CLEC12A: variants seen among roughly 807,000 people sequenced by gnomAD.
The protein encoded by CLEC12A is C-type lectin domain family 12 member A.
A neutral mutation model predicts 26.5 loss-of-function variants in CLEC12A; 22 were observed. The observed-to-expected ratio is 0.83, with a 90% confidence interval of 0.59 to 1.19. The LOEUF (loss-of-function observed/expected upper bound fraction) is 1.19. CLEC12A is among the 50% of genes most tolerant of loss of function. The pLI is 0.00. For synonymous variants in CLEC12A, 119 were observed against 101.9 expected, an observed-to-expected ratio of 1.17 and a Z score of -1.01; for missense variants, 353 against 315.6, an observed-to-expected ratio of 1.12 and a Z score of -0.90.
chr12:9,962,978 G>T (rs1169314110), intron 1 of CLEC12A, among the ~76,000 whole-genome samples: 4 of 152,188 alleles, frequency 2.6e-5, no homozygotes, highest in Non-Finnish European at 5.9e-5. Flanking sequence ...GGGATTAGGG[G>T]CGATGTGGGA....
intron 1 of CLEC12A, among the ~76,000 whole-genome samples, chr12:9,964,205 C>G (rs1363742562): frequency 1.3e-5 from 2 of 152,066 alleles, no homozygotes; most frequent in Non-Finnish European, 2.9e-5. Context: ...CTGGGGAGGT[C>G]TAGCTGGACC....
chr12:9,971,767 A>ATAGT (rs1418890420), intron 1 of CLEC12A, 80 bp downstream of exon 1: 2 of 1,212,194 alleles, frequency 1.6e-6, no homozygotes, highest in African/African-American at 3.1e-5. Flanking sequence ...TATTAGTGAT[A>ATAGT]TAGTTACTAT....
the CLEC12A span, among the ~76,000 whole-genome samples, chr12:10,003,431 A>G: frequency 6.6e-6 from 1 of 152,230 alleles, no homozygotes; most frequent in South Asian, 2.1e-4. Context: ...GATCAGGCAT[A>G]TGTATACAGA....
intron 5 of CLEC12A, among the ~76,000 whole-genome samples, chr12:9,982,973 C>CT (rs933277736): frequency 3.9e-5 from 6 of 152,038 alleles, no homozygotes; most frequent in African/African-American, 1.4e-4. Context: ...TGATTTCCTT[C>CT]TTTTTTATAC....
upstream of CLEC12A, chr12:9,951,309 T>G (rs1247558601): frequency 1.4e-6 from 1 of 702,944 alleles, no homozygotes. Flanking sequence ...ACATTTCTGA[T>G]TGCCTAGGAA....
intron 4 of CLEC12A, among the ~76,000 whole-genome samples, chr12:9,994,034 G>T (rs1398238146): frequency 6.6e-6 from 1 of 152,070 alleles, no homozygotes; most frequent in Non-Finnish European, 1.5e-5. Flanking sequence ...TGAGACAGTG[G>T]TAAGAGTTAC....
At chr12:9,993,281 C>A in intron 4 of CLEC12A, 1 of 1,611,230 alleles carries the variant, frequency 6.2e-7, no homozygotes, top group Non-Finnish European at 8.5e-7. Flanking sequence ...CTTCCAAAAA[C>A]TCAAACCTGT....
At chr12:9,952,929 C>T (rs549405873) in intron 1 of CLEC12A, 1 of 96,202 alleles carries the variant, frequency 1.0e-5, no homozygotes, top group Admixed American at 1.0e-4. Flanking sequence ...TGAGGAGACC[C>T]TCTGCCTGGC....
chr12:9,984,540 A>G (rs1864694125), intron 5 of CLEC12A, among the ~76,000 whole-genome samples: 1 of 152,132 alleles, frequency 6.6e-6, no homozygotes, highest in Non-Finnish European at 1.5e-5. Context: ...CTAGCCAGTT[A>G]GACTAGGAGA....
At chr12:9,988,455 A>C (rs1864819738), downstream of CLEC12A, among the ~76,000 whole-genome samples, 1 of 152,230 alleles carries the variant, frequency 6.6e-6, no homozygotes, top group Admixed American at 6.5e-5. Context: ...AAGTTTTTGC[A>C]ATCTACTCAT....
Position 9,979,374 on chromosome 12 carries a change from A to G in CLEC12A, c.229A>G (p.Lys77Glu). ...TLKIEMKKMN[K>E]LQNISEELQR... Reference sequence around the variant, plus strand: ...GAAGATAGAAATGAAAAAAATGAACAAACTACAAAACATCAGTGAAGAGCT... The same window carrying G: ...GAAGATAGAAATGAAAAAAATGAACGAACTACAAAACATCAGTGAAGAGCT... Residue 77 changes from lysine (K) to glutamate (E), a missense_variant, in exon 3 of 6, where the codon AAA (lysine) becomes GAA (glutamate). Coordinates refer to ENST00000304361, the MANE Select transcript of CLEC12A (RefSeq NM_138337.6). The G allele has an allele frequency of 6.2e-7, 1 of 1,603,194 alleles. No individual in the cohort carries two copies. The highest frequency in any genetic ancestry group is 8.5e-7 in the Non-Finnish European group (1 of 1,174,936).
chr12:9,971,485 C>A lies in CLEC12A; in HGVS notation c.-112C>A. 1 of 1,433,550 alleles carries A rather than the reference C, an allele frequency of 7.0e-7. No homozygotes were observed. The highest frequency in any genetic ancestry group is 9.1e-7 in the Non-Finnish European group (1 of 1,095,074). 88.8% of individuals were successfully genotyped at this position (1,433,550 alleles called of 1,614,324 possible). ...GTTTAAACTTGTAAGCTTAAGCTTC[C>A]GTTTATAAACAGAAGTTTAAAATTA... On this transcript the variant is annotated 5_prime_UTR_variant, in exon 1 of 6. Coordinates refer to ENST00000304361, the MANE Select transcript of CLEC12A (RefSeq NM_138337.6).
intron 1 of CLEC12A, among the ~76,000 whole-genome samples, chr12:9,978,287 T>TG (rs1864416407): frequency 6.6e-6 from 1 of 152,120 alleles, no homozygotes; most frequent in Non-Finnish European, 1.5e-5. Flanking sequence ...TGTTTTTTTT[T>TG]TAAATAGAGA....
intron 5 of CLEC12A, among the ~76,000 whole-genome samples, chr12:9,982,930 G>T (rs1242803212): frequency 1.3e-5 from 2 of 152,146 alleles, no homozygotes; most frequent in East Asian, 1.9e-4. Context: ...TAAGAGAATG[G>T]TCTCCAGCTC....
chr12:9,971,537 T>C lies in CLEC12A; in HGVS notation c.-60T>C, dbSNP rs768090050. 1.3e-6 allele frequency: 2 copies of C among 1,574,980 alleles called. No homozygotes were observed. Among genetic ancestry groups the C allele is most frequent in the Non-Finnish European group, 1.7e-6 (2 of 1,162,924 alleles). ...AGGTCCTGTTTAACATTCAGCTCTG[T>C]TAACTCACTCATCTTTTTGTGTTTT... On this transcript the variant is annotated 5_prime_UTR_variant, in exon 1 of 6. Transcript: ENST00000304361.
chr12:9,969,009 A>G (rs1377846096), upstream of CLEC12A, among the ~76,000 whole-genome samples: 1 of 152,218 alleles, frequency 6.6e-6, no homozygotes, highest in Admixed American at 6.5e-5. Flanking sequence ...AGAAAGACAA[A>G]TATCACATGT....
At chr12:9,972,071 T>A (rs962549545) in intron 1 of CLEC12A, among the ~76,000 whole-genome samples, 131 of 151,550 alleles carry the variant, frequency 8.6e-4, no homozygotes, top group Admixed American at 2.0e-3. Flanking sequence ...TTTTTTTTTT[T>A]ATAAGAAAAT....
At chr12:9,951,910 T>G (rs1250706671) in intron 1 of CLEC12A, 3 of 155,584 alleles carry the variant, frequency 1.9e-5, no homozygotes, top group Admixed American at 1.9e-4. Context: ...TGCCTTATAT[T>G]TGGATTTATT....
At chr12:9,963,532 T>C (rs1231640912) in intron 1 of CLEC12A, among the ~76,000 whole-genome samples, 1 of 151,044 alleles carries the variant, frequency 6.6e-6, no homozygotes. Flanking sequence ...CCGAGAGCAA[T>C]AGTGGAGGCA....
Sources: gnomAD v4.1 joint callset for allele counts (sites outside exome capture counted in the v4.1 genomes callset) on GRCh38, gnomAD v4.1.1 for gene constraint, MANE v1.5 for transcripts, NCBI Gene and HGNC (gene_info 2026-07-23, HGNC 2026-07-21) for gene names.